The following MESP1 variants were observed in gnomAD, a reference collection of about 807,000 sequenced individuals.
MESP1 encodes mesoderm posterior bHLH transcription factor 1.
In MESP1, 22 loss-of-function variants were observed where a neutral mutation model predicts 15.2. The ratio of observed to expected loss-of-function variants is 1.45; its 90% CI spans 1.04 to 2.07. MESP1 has a LOEUF of 2.07. Ranked by LOEUF, MESP1 falls within the 30% of genes most tolerant of loss-of-function variation. MESP1 has a pLI of 0.00. For missense variants in MESP1, 484 were observed against 411.9 expected (o/e 1.17, Z -1.51); for synonymous variants, 216 against 192.6 (o/e 1.12, Z -1.01).
the MESP1 span, among the ~76,000 whole-genome samples, chr15:89,737,066 C>T: frequency 1.3e-5 from 2 of 152,306 alleles, no homozygotes; most frequent in East Asian, 1.9e-4. Context: ...GCTGGGATTA[C>T]AGGCATGAGC....
chr15:89,732,867 T>C, the MESP1 span: 1 of 752,810 alleles, frequency 1.3e-6, no homozygotes. Flanking sequence ...TTACTGATTT[T>C]CTCTCACAGG....
chr15:89,746,548 A>T (rs1308773111), downstream of MESP1, among the ~76,000 whole-genome samples: 8 of 89,204 alleles, frequency 9.0e-5, no homozygotes, highest in African/African-American at 3.0e-4. Flanking sequence ...CACACAGCCC[A>T]ACCTCCACAC....
At chr15:89,738,276 G>A in the MESP1 span, 4 of 1,535,136 alleles carry the variant, frequency 2.6e-6, no homozygotes, top group Non-Finnish European at 3.5e-6. Context: ...CACATCTGAG[G>A]TTGTCTCTGG....
downstream of MESP1, among the ~76,000 whole-genome samples, chr15:89,747,076 C>T (rs1003049394): frequency 7.1e-6 from 1 of 139,914 alleles, no homozygotes; most frequent in Non-Finnish European, 1.6e-5. Context: ...AGCCCCGCCG[C>T]CACACACACA....
the MESP1 span, among the ~76,000 whole-genome samples, chr15:89,739,796 T>C: frequency 6.6e-5 from 10 of 152,194 alleles, no homozygotes; most frequent in Non-Finnish European, 1.3e-4. Context: ...CCAATCACCA[T>C]AATGTCTCTT....
chr15:89,741,602 T>C, the MESP1 span, among the ~76,000 whole-genome samples: 25 of 152,172 alleles, frequency 1.6e-4, no homozygotes, highest in Non-Finnish European at 3.5e-4. Flanking sequence ...AAAGTACACA[T>C]TGCTACTTTA....
At chr15:89,734,208 T>C in the MESP1 span, among the ~76,000 whole-genome samples, 3 of 152,148 alleles carry the variant, frequency 2.0e-5, no homozygotes, top group Non-Finnish European at 2.9e-5. Context: ...CAAAACTTAA[T>C]GGTTTAAGAA....
At chr15:89,740,584 C>T in the MESP1 span, among the ~76,000 whole-genome samples, 1 of 152,172 alleles carries the variant, frequency 6.6e-6, no homozygotes, top group Non-Finnish European at 1.5e-5. Flanking sequence ...TCACTGCAAC[C>T]TCTGCCTCCC....
At chr15:89,743,535 A>G in the MESP1 span, 6 of 712,056 alleles carry the variant, frequency 8.4e-6, no homozygotes, top group African/African-American at 1.8e-5. Context: ...AGAGCCAGCA[A>G]GGGGAAAAGT....
At chr15:89,743,960 G>C in the MESP1 span, among the ~76,000 whole-genome samples, 2 of 152,188 alleles carry the variant, frequency 1.3e-5, no homozygotes, top group Non-Finnish European at 2.9e-5. Flanking sequence ...CTGGGCCACT[G>C]CTGCCCCTGG....
downstream of MESP1, chr15:89,749,225 G>A (rs1304986730): frequency 1.3e-5 from 2 of 152,116 alleles, no homozygotes; most frequent in Non-Finnish European, 2.9e-5. Flanking sequence ...AGGCCTGTAG[G>A]AGGTCATGGT....
downstream of MESP1, among the ~76,000 whole-genome samples, chr15:89,747,668 C>T (rs78219562): frequency 0.01 from 1,567 of 152,338 alleles, 25 homozygotes; most frequent in African/African-American, 0.036. Flanking sequence ...GAAGGCAGCA[C>T]ACCTGGTGAT....
chr15:89,747,146 A>ACC (rs1967986538), downstream of MESP1, among the ~76,000 whole-genome samples: 3 of 130,224 alleles, frequency 2.3e-5, no homozygotes, highest in African/African-American at 9.2e-5. Context: ...ACACACACAC[A>ACC]CCCCTACCTT....
chr15:89,734,384 A>AGTGCACCTCGGTTT, the MESP1 span, among the ~76,000 whole-genome samples: 1 of 152,160 alleles, frequency 6.6e-6, no homozygotes, highest in Admixed American at 6.5e-5. Flanking sequence ...GTTATTGGCC[A>AGTGCACCTCGGTTT]GTGCACCTCG....
At chr15:89,737,630 A>G in the MESP1 span, 12 of 1,614,002 alleles carry the variant, frequency 7.4e-6, no homozygotes, top group Non-Finnish European at 1.0e-5. Context: ...CAAGCGTGAA[A>G]TCATCTGTGC....
the MESP1 span, chr15:89,733,154 C>T: frequency 1.3e-5 from 21 of 1,614,158 alleles, no homozygotes; most frequent in Admixed American, 1.0e-4. Flanking sequence ...TGTGCACAGA[C>T]GCCTCCCTCC....
intron 1 of MESP1, 84 bp from the exon 2 acceptor site, chr15:89,750,311 G>A (rs760853204): frequency 2.1e-5 from 33 of 1,581,204 alleles, no homozygotes; most frequent in Non-Finnish European, 2.8e-5. Flanking sequence ...CACTCTCAGG[G>A]GGCCCCTAGC....
the MESP1 span, among the ~76,000 whole-genome samples, chr15:89,743,893 G>T: frequency 3.3e-5 from 5 of 152,208 alleles, no homozygotes; most frequent in Admixed American, 3.3e-4. Flanking sequence ...TGGCGTAAGG[G>T]CCTGAGGCCA....
At chr15:89,738,387 G>C in the MESP1 span, 1 of 916,716 alleles carries the variant, frequency 1.1e-6, no homozygotes, top group Non-Finnish European at 1.6e-6. Context: ...AGCACTTTGG[G>C]AGTCCGAGGC....
Sources: gnomAD v4.1 joint callset for allele counts (sites outside exome capture counted in the v4.1 genomes callset) on GRCh38, gnomAD v4.1.1 for gene constraint, MANE v1.5 for transcripts, NCBI Gene and HGNC (gene_info 2026-07-23, HGNC 2026-07-21) for gene names.